Variants in ASTN2 observed in about 807,000 individuals in gnomAD.
ASTN2 encodes astrotactin-2.
In ASTN2, 54 loss-of-function variants were observed where a neutral mutation model predicts 139.8. That is an observed-to-expected ratio of 0.39 (90% CI 0.31 to 0.48). ASTN2 has a LOEUF of 0.48. ASTN2 is among the 20% of genes least tolerant of loss of function. ASTN2 has a pLI of 0.95. For missense variants in ASTN2, 1,565 were observed against 1,725.1 expected, an observed-to-expected ratio of 0.91 and a Z score of 1.64; for synonymous variants, 756 against 719.5, an observed-to-expected ratio of 1.05 and a Z score of -0.81.
At chr9:116,701,877 T>TG (rs201629126) in intron 16 of ASTN2, among the ~76,000 whole-genome samples, 63 of 121,850 alleles carry the variant, frequency 5.2e-4, no homozygotes, top group African/African-American at 1.8e-3. Context: ...AGCAGTTTTT[T>TG]GGGTTTTTTT....
At chr9:117,166,848 A>G (rs1028729166) in intron 3 of ASTN2, among the ~76,000 whole-genome samples, 3 of 152,136 alleles carry the variant, frequency 2.0e-5, no homozygotes, top group African/African-American at 2.4e-5. Context: ...ACCTGGCATG[A>G]CACCAGGAAT....
At chr9:116,725,113 T>C (rs1792434245) in intron 16 of ASTN2, among the ~76,000 whole-genome samples, 1 of 152,152 alleles carries the variant, frequency 6.6e-6, no homozygotes, top group South Asian at 2.1e-4. Context: ...GAATAGCTAC[T>C]TACGTACCCA....
chr9:116,756,833 CT>C (rs1829546321), intron 13 of ASTN2, among the ~76,000 whole-genome samples: 1 of 151,706 alleles, frequency 6.6e-6, no homozygotes, highest in African/African-American at 2.4e-5. Flanking sequence ...GACTTCAATT[CT>C]GCTATTTTGC....
chr9:116,743,517 G>A (rs7867798), intron 13 of ASTN2, among the ~76,000 whole-genome samples: 125,719 of 152,116 alleles, frequency 0.83, 52,126 homozygotes, highest in East Asian at 0.99. Context: ...AGATCATGCC[G>A]CTGCACTCCA....
At chr9:117,072,110 A>G (rs1225191486) in intron 5 of ASTN2, among the ~76,000 whole-genome samples, 1 of 152,152 alleles carries the variant, frequency 6.6e-6, no homozygotes, top group Non-Finnish European at 1.5e-5. Context: ...CTTGAAATTC[A>G]TACACTTCAA....
chr9:116,510,817 G>A (rs1225137518), intron 19 of ASTN2, among the ~76,000 whole-genome samples: 1 of 152,086 alleles, frequency 6.6e-6, no homozygotes, highest in Non-Finnish European at 1.5e-5. Context: ...TGTTATTGGT[G>A]TATAAGAATG....
intron 10 of ASTN2, among the ~76,000 whole-genome samples, chr9:116,971,276 G>A (rs1462912377): frequency 2.6e-5 from 4 of 152,206 alleles, no homozygotes; most frequent in Non-Finnish European, 5.9e-5. Context: ...GCTGGAGAAT[G>A]GGAGCTGTCC....
chr9:116,853,605 C>G (rs1320554673), intron 11 of ASTN2, among the ~76,000 whole-genome samples: 1 of 152,178 alleles, frequency 6.6e-6, no homozygotes, highest in Non-Finnish European at 1.5e-5. Flanking sequence ...TCACTGGACT[C>G]CACTCCCACA....
intron 22 of ASTN2, among the ~76,000 whole-genome samples, chr9:116,434,688 T>G (rs1470408100): frequency 1.3e-5 from 2 of 152,204 alleles, no homozygotes; most frequent in African/African-American, 4.8e-5. Flanking sequence ...GTCAAGGATG[T>G]TCTGACCCGA....
At chr9:116,625,055 G>A (rs1315181209) in intron 17 of ASTN2, among the ~76,000 whole-genome samples, 2 of 152,136 alleles carry the variant, frequency 1.3e-5, no homozygotes, top group African/African-American at 4.8e-5. Flanking sequence ...TTCTTCCCCA[G>A]GATTACTTGT....
At chr9:117,067,648 G>A (rs960487053) in intron 5 of ASTN2, among the ~76,000 whole-genome samples, 1 of 144,130 alleles carries the variant, frequency 6.9e-6, no homozygotes, top group Non-Finnish European at 1.5e-5. Context: ...AGCATGGAAT[G>A]TTCTTCCATT....
At chr9:116,776,250 A>G (rs942071177) in intron 13 of ASTN2, among the ~76,000 whole-genome samples, 32 of 152,158 alleles carry the variant, frequency 2.1e-4, no homozygotes, top group Non-Finnish European at 4.0e-4. Context: ...TTTGTAAAGG[A>G]AGGGTTTTAG....
At chr9:116,648,303 T>C (rs1306415992) in intron 17 of ASTN2, among the ~76,000 whole-genome samples, 3 of 151,954 alleles carry the variant, frequency 2.0e-5, no homozygotes, top group East Asian at 3.9e-4. Flanking sequence ...CTTGGCCTAA[T>C]TTTTCTTTCA....
At position 117,283,766 on chromosome 9, in the gene ASTN2, T is replaced by C. The variant is rs112508688; in HGVS notation, c.630+7560A>G. Among the ~76,000 whole-genome samples, 924 of 152,302 alleles carry C rather than the reference T, an allele frequency of 6.1e-3. 13 individuals carry two copies. The highest frequency in any genetic ancestry group is 0.021 in the African/African-American group (853 of 41,576). On this transcript the variant is annotated intron_variant, in intron 2 of 22. Transcript: ENST00000313400. ...TCTGAAAAGCATTTGGGAATCACAG[T>C]CTGTAACAGCTTGGCTTCTCCTACC...
At chr9:117,165,252 G>A (rs953839665) in intron 3 of ASTN2, among the ~76,000 whole-genome samples, 22 of 152,066 alleles carry the variant, frequency 1.4e-4, no homozygotes, top group Admixed American at 1.4e-3. Context: ...AACATGCCTT[G>A]TATGATTTTA....
At chr9:117,232,042 C>T (rs972829555) in intron 2 of ASTN2, among the ~76,000 whole-genome samples, 3 of 152,128 alleles carry the variant, frequency 2.0e-5, no homozygotes, top group Non-Finnish European at 4.4e-5. Flanking sequence ...TAACTGTCTT[C>T]ACCCTGCCAC....
intron 5 of ASTN2, among the ~76,000 whole-genome samples, chr9:117,084,705 G>C (rs368307086): frequency 1.9e-4 from 29 of 152,190 alleles, no homozygotes; most frequent in African/African-American, 6.8e-4. Flanking sequence ...TTGGGAAATG[G>C]GGGGATACAC....
intron 2 of ASTN2, among the ~76,000 whole-genome samples, chr9:117,287,439 C>T (rs1255192885): frequency 1.3e-5 from 2 of 152,096 alleles, no homozygotes; most frequent in African/African-American, 4.8e-5. Context: ...AAAATGGTGG[C>T]CTGTTATATA....
intron 3 of ASTN2, among the ~76,000 whole-genome samples, chr9:117,171,892 A>G (rs1480429639): frequency 6.6e-6 from 1 of 152,192 alleles, no homozygotes; most frequent in Non-Finnish European, 1.5e-5. Context: ...TAGTGTTTAA[A>G]AGAATGACTA....
Sources: allele counts gnomAD v4.1 joint callset (sites outside exome capture counted in the v4.1 genomes callset), GRCh38; gene constraint gnomAD v4.1.1; transcripts MANE v1.5; gene names NCBI Gene and HGNC (gene_info 2026-07-23, HGNC 2026-07-21).